The following GABRG3 variants were observed in gnomAD, a reference collection of about 807,000 sequenced individuals.
The protein encoded by GABRG3 is gamma-aminobutyric acid receptor subunit gamma-3.
GABRG3 carries 25 observed loss-of-function variants against 48.8 expected under a neutral mutation model. The observed-to-expected ratio is 0.51, with a 90% CI of 0.37 to 0.72. The LOEUF (loss-of-function observed/expected upper bound fraction) is 0.72. GABRG3 is among the 30% of genes least tolerant of loss of function. GABRG3 has a pLI of 0.00. For missense variants in GABRG3, 394 were observed against 577.9 expected, an observed-to-expected ratio of 0.68 and a Z score of 3.26; for synonymous variants, 227 against 217.6, an observed-to-expected ratio of 1.04 and a Z score of -0.38.
chr15:27,502,678 T>G (rs2150854939), intron 6 of GABRG3, among the ~76,000 whole-genome samples: 1 of 152,364 alleles, frequency 6.6e-6, no homozygotes, highest in East Asian at 1.9e-4. Flanking sequence ...GGCTTCAAGT[T>G]GGGGTTCTCA....
At chr15:27,433,543 G>A (rs1266504890) in intron 5 of GABRG3, among the ~76,000 whole-genome samples, 1 of 152,128 alleles carries the variant, frequency 6.6e-6, no homozygotes, top group Non-Finnish European at 1.5e-5. Flanking sequence ...ATGGAGAAGT[G>A]GATTTTCAGA....
intron 5 of GABRG3, among the ~76,000 whole-genome samples, chr15:27,339,558 G>C (rs774121598): frequency 6.6e-6 from 1 of 152,218 alleles, no homozygotes; most frequent in Non-Finnish European, 1.5e-5. Context: ...GAGGCTGCTG[G>C]TTGCAGTCAG....
At chr15:27,307,009 TAAACATGTTTATATATAAACATGTATAAA>T (rs1892565291) in intron 3 of GABRG3, among the ~76,000 whole-genome samples, 3 of 118,882 alleles carry the variant, frequency 2.5e-5, no homozygotes, top group South Asian at 2.5e-4. Flanking sequence ...TAAACATGTA[TAAACATGTTTATATATAAACATGTATAAA>T]ATAAACATGT....
intron 5 of GABRG3, among the ~76,000 whole-genome samples, chr15:27,444,581 A>T (rs1268025606): frequency 6.6e-6 from 1 of 152,126 alleles, no homozygotes; most frequent in African/African-American, 2.4e-5. Flanking sequence ...TCAAAGTTCA[A>T]TCTGATAATC....
chr15:27,071,160 C>G (rs1294997775), intron 3 of GABRG3, among the ~76,000 whole-genome samples: 2 of 152,178 alleles, frequency 1.3e-5, no homozygotes, highest in East Asian at 3.8e-4. Flanking sequence ...TAAGTCACAA[C>G]CCCTGGTCCC....
chr15:27,192,619 C>T (rs931499085), intron 3 of GABRG3, among the ~76,000 whole-genome samples: 2 of 152,158 alleles, frequency 1.3e-5, no homozygotes, highest in Non-Finnish European at 2.9e-5. Context: ...TCTAGTTATA[C>T]ATTCGTCTAA....
intron 3 of GABRG3, among the ~76,000 whole-genome samples, chr15:27,040,120 G>A (rs1386480633): frequency 6.6e-6 from 1 of 152,262 alleles, no homozygotes; most frequent in Admixed American, 6.5e-5. Flanking sequence ...GAAGGGCTGG[G>A]CCTGTCAGGA....
intron 3 of GABRG3, among the ~76,000 whole-genome samples, chr15:27,254,527 G>A (rs898533019): frequency 4.6e-5 from 7 of 152,106 alleles, no homozygotes; most frequent in African/African-American, 1.4e-4. Context: ...ATCTCTCACA[G>A]TTTTGGAAGC....
At position 27,013,375 on chromosome 15, in the gene GABRG3, A is replaced by G. The variant is rs1595472214; in HGVS notation, c.203-13379A>G. Among the ~76,000 whole-genome samples the G allele has an allele frequency of 2.0e-5, 3 of 152,132 alleles. No individual in the cohort carries two copies. In the East Asian group the frequency reaches 5.8e-4, roughly 29 times the overall value. ...GTGATGTGCAGGAGTTTTTAAGTTTAATGTAGTCCATTTGTCTATTTTTGC... is the reference window on the plus strand; with the variant it reads ...GTGATGTGCAGGAGTTTTTAAGTTTGATGTAGTCCATTTGTCTATTTTTGC... On this transcript the variant is annotated intron_variant, in intron 2 of 9. Coordinates refer to ENST00000615808, the MANE Select transcript of GABRG3 (RefSeq NM_033223.5).
chr15:27,019,055 C>CTTTTT (rs9331868), intron 2 of GABRG3, among the ~76,000 whole-genome samples: 7 of 42,034 alleles, frequency 1.7e-4, no homozygotes, highest in East Asian at 9.9e-4. Context: ...TCCCTAGAGT[C>CTTTTT]TTTTTTTTTT....
At chr15:27,029,423 G>A (rs1469454502) in intron 3 of GABRG3, among the ~76,000 whole-genome samples, 1 of 140,542 alleles carries the variant, frequency 7.1e-6, no homozygotes, top group Non-Finnish European at 1.5e-5. Flanking sequence ...GGCAGGCAAG[G>A]ATTTGTTTAA....
intron 2 of GABRG3, among the ~76,000 whole-genome samples, chr15:27,021,313 A>C (rs1378775861): frequency 6.6e-6 from 1 of 152,176 alleles, no homozygotes; most frequent in Non-Finnish European, 1.5e-5. Context: ...ATAGTTATGC[A>C]ACATCCAGGG....
At chr15:27,208,456 C>T (rs1888949671) in intron 3 of GABRG3, 1 of 190,628 alleles carries the variant, frequency 5.2e-6, no homozygotes, top group Non-Finnish European at 1.2e-5. Context: ...CAGTGGTATT[C>T]AGGGCATGAA....
chr15:27,027,086 C>G, intron 3 of GABRG3: 1 of 338,400 alleles, frequency 3.0e-6, no homozygotes, highest in East Asian at 5.0e-5. Context: ...GGAAAGGATT[C>G]GAGATCACTC....
chr15:26,973,589 A>G (rs1481912603), intron 1 of GABRG3, among the ~76,000 whole-genome samples: 2 of 152,128 alleles, frequency 1.3e-5, no homozygotes, highest in Non-Finnish European at 2.9e-5. Context: ...TAAGGGTCTG[A>G]TGGCTGTGCT....
intron 3 of GABRG3, among the ~76,000 whole-genome samples, chr15:27,296,659 G>A (rs1209352632): frequency 6.6e-6 from 1 of 152,068 alleles, no homozygotes; most frequent in African/African-American, 2.4e-5. Context: ...TAATGTTGTA[G>A]CTCAAAGCAT....
intron 3 of GABRG3, among the ~76,000 whole-genome samples, chr15:27,233,441 G>A (rs575502584): frequency 1.3e-5 from 2 of 152,246 alleles, no homozygotes; most frequent in South Asian, 4.2e-4. Flanking sequence ...GGTTCTGGAG[G>A]CTGGAAGGCC....
intron 3 of GABRG3, among the ~76,000 whole-genome samples, chr15:27,307,205 A>G (rs1452030207): frequency 7.3e-6 from 1 of 137,646 alleles, no homozygotes; most frequent in Non-Finnish European, 1.6e-5. Flanking sequence ...TATAATACAA[A>G]CATGTTTATA....
At chr15:27,262,095 A>G (rs1196100830) in intron 3 of GABRG3, among the ~76,000 whole-genome samples, 1 of 152,214 alleles carries the variant, frequency 6.6e-6, no homozygotes, top group Non-Finnish European at 1.5e-5. Context: ...AGCAGAAGTC[A>G]ATGATAAACA....
Sources: gnomAD v4.1 joint callset for allele counts (sites outside exome capture counted in the v4.1 genomes callset) on GRCh38, gnomAD v4.1.1 for gene constraint, MANE v1.5 for transcripts, NCBI Gene and HGNC (gene_info 2026-07-23, HGNC 2026-07-21) for gene names.